The following DSCAM variants were observed in gnomAD, a reference collection of about 807,000 sequenced individuals.
DSCAM encodes cell adhesion molecule DSCAM.
DSCAM carries 47 observed loss-of-function variants against 217.7 expected under a neutral mutation model. The observed-to-expected ratio is 0.22, with a 90% CI of 0.17 to 0.28. The LOEUF is 0.28. DSCAM is among the 10% of genes least tolerant of loss of function. The pLI is 1.00. For synonymous variants in DSCAM, 1,056 were observed against 1,015.3 expected (o/e 1.04, Z -0.76); for missense variants, 2,080 against 2,618.3 (o/e 0.79, Z 4.49).
chr21:40,403,100 C>T (rs1236651151), intron 3 of DSCAM, among the ~76,000 whole-genome samples: 1 of 152,088 alleles, frequency 6.6e-6, no homozygotes, highest in African/African-American at 2.4e-5. Context: ...TATCAAGCAC[C>T]AAAGCTGACA....
chr21:40,587,586 T>C (rs1200979324), intron 3 of DSCAM, among the ~76,000 whole-genome samples: 1 of 152,242 alleles, frequency 6.6e-6, no homozygotes, highest in East Asian at 1.9e-4. Context: ...ACATCATCTC[T>C]ACTTAGCATC....
chr21:40,725,178 G>A (rs763773803), intron 1 of DSCAM, among the ~76,000 whole-genome samples: 11 of 152,074 alleles, frequency 7.2e-5, no homozygotes, highest in Non-Finnish European at 1.5e-4. Context: ...CATTGCCATT[G>A]GCATCTCATG....
At chr21:40,690,005 G>A (rs1601852191) in intron 3 of DSCAM, among the ~76,000 whole-genome samples, 4 of 152,176 alleles carry the variant, frequency 2.6e-5, no homozygotes, top group African/African-American at 7.2e-5. Context: ...TCCTTTTAGC[G>A]GCCTCCACCC....
At chr21:40,503,761 G>T (rs951088794) in intron 3 of DSCAM, among the ~76,000 whole-genome samples, 2 of 152,226 alleles carry the variant, frequency 1.3e-5, no homozygotes, top group Admixed American at 1.3e-4. Flanking sequence ...CAAAGATTAA[G>T]ATCTAGCTCT....
intron 3 of DSCAM, among the ~76,000 whole-genome samples, chr21:40,373,113 G>A (rs1176346383): frequency 1.3e-5 from 2 of 152,124 alleles, no homozygotes; most frequent in Non-Finnish European, 2.9e-5. Context: ...TGAAACTCAG[G>A]CACAACACCA....
At chr21:40,090,167 C>T (rs1038869547) in intron 21 of DSCAM, among the ~76,000 whole-genome samples, 1 of 152,164 alleles carries the variant, frequency 6.6e-6, no homozygotes, top group Admixed American at 6.5e-5. Context: ...GTGCTGTGGT[C>T]GTGGGCTCTT....
chr21:40,274,236 T>C (rs1043211002), intron 11 of DSCAM, among the ~76,000 whole-genome samples: 2 of 152,156 alleles, frequency 1.3e-5, no homozygotes, highest in African/African-American at 2.4e-5. Context: ...GGGGGCATCG[T>C]CCATTCTTGA....
chr21:40,257,051 A>G (rs1450182312), intron 11 of DSCAM, among the ~76,000 whole-genome samples: 1 of 152,224 alleles, frequency 6.6e-6, no homozygotes, highest in East Asian at 1.9e-4. Context: ...AGTTGACAAT[A>G]CTTAAATACT....
intron 3 of DSCAM, among the ~76,000 whole-genome samples, chr21:40,513,701 C>T (rs1568867117): frequency 6.6e-6 from 1 of 152,126 alleles, no homozygotes; most frequent in Non-Finnish European, 1.5e-5. Context: ...AAACACCTTC[C>T]ACTATGCCCC....
At chr21:40,675,039 G>A (rs902161963) in intron 3 of DSCAM, among the ~76,000 whole-genome samples, 8 of 148,706 alleles carry the variant, frequency 5.4e-5, no homozygotes, top group African/African-American at 1.8e-4. Flanking sequence ...ACATGCACGC[G>A]CACACACGTA....
At chr21:40,619,076 T>A (rs745874618) in intron 3 of DSCAM, among the ~76,000 whole-genome samples, 21 of 151,754 alleles carry the variant, frequency 1.4e-4, no homozygotes, top group African/African-American at 2.7e-4. Context: ...TAAGCAATTT[T>A]AAAAAAAACA....
chr21:40,727,143 G>A (rs961368281), intron 1 of DSCAM, among the ~76,000 whole-genome samples: 1 of 152,074 alleles, frequency 6.6e-6, no homozygotes, highest in Non-Finnish European at 1.5e-5. Context: ...GACTAATGAC[G>A]CCCCACAGGC....
chr21:40,083,341 A>T (rs550560059), intron 24 of DSCAM, among the ~76,000 whole-genome samples: 7 of 152,362 alleles, frequency 4.6e-5, no homozygotes, highest in African/African-American at 1.7e-4. Context: ...AGGCAGAAGA[A>T]TCACTTCAAC....
chr21:40,416,575 G>A (rs1038613225), intron 3 of DSCAM, among the ~76,000 whole-genome samples: 1 of 151,978 alleles, frequency 6.6e-6, no homozygotes, highest in African/African-American at 2.4e-5. Flanking sequence ...CAAAGCAAGA[G>A]CAAAATGAAA....
chr21:40,422,459 A>G (rs1231863760), intron 3 of DSCAM, among the ~76,000 whole-genome samples: 1 of 118,994 alleles, frequency 8.4e-6, no homozygotes, highest in Non-Finnish European at 2.0e-5. Context: ...GTGAAACTCC[A>G]TCTCTACTAA....
intron 9 of DSCAM, among the ~76,000 whole-genome samples, chr21:40,301,982 G>A (rs1037909074): frequency 2.6e-5 from 4 of 152,148 alleles, no homozygotes; most frequent in African/African-American, 7.2e-5. Flanking sequence ...TGAAGCCTTT[G>A]GGACTGTTGC....
At chr21:40,396,883 G>T (rs2075183443) in intron 3 of DSCAM, among the ~76,000 whole-genome samples, 1 of 151,966 alleles carries the variant, frequency 6.6e-6, no homozygotes, top group African/African-American at 2.4e-5. Flanking sequence ...CTTTTCTTAG[G>T]AAACTAACCA....
chr21:40,504,916 G>A (rs2076198363), intron 3 of DSCAM, among the ~76,000 whole-genome samples: 1 of 152,160 alleles, frequency 6.6e-6, no homozygotes, highest in African/African-American at 2.4e-5. Context: ...GATATAGTAA[G>A]AGTTGACTGT....
chr21:40,149,607 A>C (rs901705505), intron 16 of DSCAM, among the ~76,000 whole-genome samples: 1 of 144,096 alleles, frequency 6.9e-6, no homozygotes, highest in African/African-American at 2.7e-5. Flanking sequence ...ACCACCATCC[A>C]TCGCTCCATC....
Sources: allele counts gnomAD v4.1 joint callset (sites outside exome capture counted in the v4.1 genomes callset), GRCh38; gene constraint gnomAD v4.1.1; transcripts MANE v1.5; gene names NCBI Gene and HGNC (gene_info 2026-07-23, HGNC 2026-07-21).